Variants in SEMA7A observed in about 807,000 individuals in gnomAD.
SEMA7A encodes semaphorin 7A (JohnMiltonHagen blood group).
A neutral mutation model predicts 67.5 loss-of-function variants in SEMA7A; 21 were observed. The ratio of observed to expected loss-of-function variants is 0.31; its 90% CI spans 0.22 to 0.45. The LOEUF (loss-of-function observed/expected upper bound fraction) is 0.45, where lower values mean the gene tolerates loss of function less well. SEMA7A is among the 20% of genes least tolerant of loss of function. The pLI, the probability that SEMA7A is intolerant of heterozygous loss-of-function variation, is 1.00. For missense variants in SEMA7A, 774 were observed against 908.6 expected (o/e 0.85, Z 1.90); for synonymous variants, 364 against 368.5 (o/e 0.99, Z 0.14).
At chr15:74,415,635 C>T (rs1290243770) in intron 8 of SEMA7A, among the ~76,000 whole-genome samples, 166 bp downstream of exon 8, 2 of 152,122 alleles carry the variant, frequency 1.3e-5, no homozygotes, top group South Asian at 2.1e-4. Flanking sequence ...GTACATACAT[C>T]GCACTGGCTG....
Position 74,411,957 on chromosome 15 carries a change from G to A in SEMA7A, c.1350C>T (p.Ala450=). ...VEPGEQEHSF[A]FNIMEIQPFR... ...AGGGCTGGATCTCCATGATGTTGAA[G>A]GCGAAGCTGTGCTCCTGCTCCCCCG... The change falls in exon 11 of 14, where the codon GCC becomes GCT. Residue 450 remains alanine, a synonymous_variant. Coordinates refer to ENST00000261918, the MANE Select transcript of SEMA7A (RefSeq NM_003612.5). This position sits in a 1 kb window ranked among gnomAD's most constrained non-coding sequence, Gnocchi z 4.4. The A allele has an allele frequency of 1.2e-6, 2 of 1,614,032 alleles. No individual in the cohort carries two copies. The highest frequency in any genetic ancestry group is 8.5e-7 in the Non-Finnish European group (1 of 1,180,036).
rs2060888033 is a variant in SEMA7A at position 74,410,290 on chromosome 15, C to T, written c.*334G>A. On this transcript the variant is annotated 3_prime_UTR_variant, in exon 14 of 14. Coordinates refer to ENST00000261918, the MANE Select transcript of SEMA7A (RefSeq NM_003612.5). The surrounding 1 kb of genome is among the most constrained non-coding windows in gnomAD (Gnocchi z 7.5). ...CCAGCTCTCCTATCCAAACCCACTC[C>T]CCGACCCATGGGCTCTTGGGCTGGG... 2 of 283,472 alleles carry T rather than the reference C, an allele frequency of 7.1e-6. No homozygotes were observed. The highest frequency in any genetic ancestry group is 9.6e-5 in the Admixed American group (2 of 20,890). The allele number at this position is 283,472 out of a possible 1,614,324, so 17.6% of individuals were successfully genotyped here.
intron 3 of SEMA7A, 120 bp downstream of exon 3, chr15:74,418,148 A>G: frequency 8.4e-7 from 1 of 1,187,392 alleles, no homozygotes; most frequent in South Asian, 1.3e-5. Flanking sequence ...ACAGAGGACC[A>G]CGTCTCCCCA....
intron 1 of SEMA7A, among the ~76,000 whole-genome samples, chr15:74,426,724 T>C (rs1271816006): frequency 6.6e-6 from 1 of 152,102 alleles, no homozygotes; most frequent in Admixed American, 6.5e-5. Flanking sequence ...TGCAGAGAGC[T>C]ATGAATGCAC....
intron 1 of SEMA7A, among the ~76,000 whole-genome samples, chr15:74,432,851 G>T (rs561232170): frequency 6.6e-5 from 10 of 152,160 alleles, no homozygotes; most frequent in African/African-American, 2.2e-4. Context: ...TCAGTTCCTC[G>T]CGGCAGAAAG....
chr15:74,413,231 C>T (rs1053269329), intron 10 of SEMA7A, among the ~76,000 whole-genome samples: 14 of 152,236 alleles, frequency 9.2e-5, no homozygotes, highest in Non-Finnish European at 1.5e-5. Flanking sequence ...TCCAAACCAG[C>T]CCCAGTAACA....
At chr15:74,425,110 G>A (rs77319700) in intron 1 of SEMA7A, among the ~76,000 whole-genome samples, 1 of 152,212 alleles carries the variant, frequency 6.6e-6, no homozygotes, top group South Asian at 2.1e-4. Flanking sequence ...CCATTAGGGA[G>A]AACTGGCAGG....
chr15:74,418,316 G>T lies in SEMA7A; in HGVS notation c.331-7C>A. ...TTGTGGAGCCGATATTCACCTGGGG[G>T]AAGGGGAGAAGCATTAGTTCAATCT... On this transcript the variant is annotated splice_polypyrimidine_tract_variant and splice_region_variant and intron_variant, in intron 2 of 13. Coordinates refer to ENST00000261918, the MANE Select transcript of SEMA7A (RefSeq NM_003612.5). 1 of 1,612,232 alleles carries T rather than the reference G, an allele frequency of 6.2e-7. No individual in the cohort carries two copies.
chr15:74,433,757 G>C lies in SEMA7A; in HGVS notation c.162C>G (p.Ile54Met). Residue 54 changes from isoleucine (I) to methionine (M), a missense_variant, in exon 1 of 14, where the codon ATC (isoleucine) becomes ATG (methionine). Physicochemically the swap from Ile to Met is conservative, Grantham distance 10. Transcript: ENST00000261918. ...GCCGCCTACCTTTCCAGACGGCGAA[G>C]ATGCGGGGTCCGCTCCTTAGGTGGC... ...AQGHLRSGPR[I>M]FAVWKGHVGQ... The C allele has an allele frequency of 6.9e-7, 1 of 1,446,052 alleles. No individual in the cohort carries two copies. The highest frequency in any genetic ancestry group is 9.0e-7 in the Non-Finnish European group (1 of 1,105,264). The allele number at this position is 1,446,052 out of a possible 1,614,324, so 89.6% of individuals were successfully genotyped here.
At chr15:74,430,726 T>A (rs752644292) in intron 1 of SEMA7A, among the ~76,000 whole-genome samples, 3 of 152,058 alleles carry the variant, frequency 2.0e-5, no homozygotes, top group African/African-American at 7.2e-5. Context: ...GTGGAGGGAG[T>A]TCACCTTGAA....
intron 1 of SEMA7A, among the ~76,000 whole-genome samples, chr15:74,428,953 C>T (rs1596200716): frequency 1.3e-5 from 2 of 152,330 alleles, no homozygotes; most frequent in Non-Finnish European, 2.9e-5. Context: ...CCTCCATCCC[C>T]CTGCTTTCTT....
chr15:74,413,157 C>T (rs2060916563), intron 10 of SEMA7A, among the ~76,000 whole-genome samples: 1 of 151,720 alleles, frequency 6.6e-6, no homozygotes, highest in African/African-American at 2.4e-5. Context: ...GCCAGATGCT[C>T]CTTGGGCCTG....
chr15:74,424,637 G>A (rs1191763741), intron 1 of SEMA7A, among the ~76,000 whole-genome samples: 1 of 152,186 alleles, frequency 6.6e-6, no homozygotes, highest in Non-Finnish European at 1.5e-5. Flanking sequence ...GACTGTCTGG[G>A]GCAAAGTCCT....
Position 74,433,855 on chromosome 15 carries a change from G to A in SEMA7A, c.64C>T (p.Pro22Ser). The A allele has an allele frequency of 7.6e-7, 1 of 1,314,694 alleles. No homozygotes were observed. The highest frequency in any genetic ancestry group is 1.5e-5 in the African/African-American group (1 of 64,902). 81.4% of individuals were successfully genotyped at this position (1,314,694 alleles called of 1,614,324 possible). Residue 22 changes from proline to serine, a missense_variant, in exon 1 of 14, where the codon CCG (proline) becomes TCG (serine). Transcript: ENST00000261918. ...CGCAGCGGAAGCCCCAACCGAGCCG[G>A]CGGGCCAGGGACGCGGGCGCGCGGT... ...SAPRARVPGPPARLGLPLRLR... is the reference protein window; with the variant it reads ...SAPRARVPGPSARLGLPLRLR...
At chr15:74,426,402 TG>T (rs2061044033) in intron 1 of SEMA7A, among the ~76,000 whole-genome samples, 1 of 152,222 alleles carries the variant, frequency 6.6e-6, no homozygotes, top group Non-Finnish European at 1.5e-5. Context: ...CACCTGTGTG[TG>T]GCTTCAGGTA....
chr15:74,422,861 G>A (rs751263002), intron 1 of SEMA7A, among the ~76,000 whole-genome samples: 7 of 152,230 alleles, frequency 4.6e-5, no homozygotes, highest in Admixed American at 1.3e-4. Context: ...TGCTGTCACC[G>A]TCTGGCCCGC....
Position 74,410,320 on chromosome 15 carries a change from T to A in SEMA7A, c.*304A>T, listed in dbSNP as rs2075594. On this transcript the variant is annotated 3_prime_UTR_variant, in exon 14 of 14. Transcript: ENST00000261918. This position sits in a 1 kb window ranked among gnomAD's most constrained non-coding sequence, Gnocchi z 7.5. Reference sequence around the variant, plus strand: ...CCCATGGGCTCTTGGGCTGGGAGCATCGCTGCATTTAGTCAAGTTTGAGGA... The same window carrying A: ...CCCATGGGCTCTTGGGCTGGGAGCAACGCTGCATTTAGTCAAGTTTGAGGA... 2.7e-6 allele frequency: 1 copy of A among 365,054 alleles called. No homozygotes were observed. The highest frequency in any genetic ancestry group is 4.9e-6 in the Non-Finnish European group (1 of 203,792). 22.6% of individuals were successfully genotyped at this position (365,054 alleles called of 1,614,324 possible). A position where few individuals can be genotyped will look rare whatever the true frequency, so the allele number is the denominator to read the frequency against.
At chr15:74,421,033 G>A (rs1227240321) in intron 1 of SEMA7A, among the ~76,000 whole-genome samples, 2 of 152,246 alleles carry the variant, frequency 1.3e-5, no homozygotes, top group African/African-American at 4.8e-5. Flanking sequence ...CAAGGCCAAT[G>A]TACAACTACT....
rs753873510 is a variant in SEMA7A at position 74,410,554 on chromosome 15, G to A, written c.*70C>T. The A allele has an allele frequency of 6.3e-5, 96 of 1,512,594 alleles. No individual in the cohort carries two copies. The highest frequency in any genetic ancestry group is 8.1e-5 in the Non-Finnish European group (92 of 1,130,372). 93.7% of individuals were successfully genotyped at this position (1,512,594 alleles called of 1,614,324 possible). A position where few individuals can be genotyped will look rare whatever the true frequency, so the allele number is the denominator to read the frequency against. On this transcript the variant is annotated 3_prime_UTR_variant, in exon 14 of 14. Transcript: ENST00000261918. The surrounding 1 kb of genome is among the most constrained non-coding windows in gnomAD (Gnocchi z 7.5). Reference sequence around the variant, plus strand: ...CAGGCAAGGAGCTCCCGGGCCAGCCGGCTCTGAGTGTGAGACGTTCTAGTG... The same window carrying A: ...CAGGCAAGGAGCTCCCGGGCCAGCCAGCTCTGAGTGTGAGACGTTCTAGTG...
Sources: gnomAD v4.1 joint callset for allele counts (sites outside exome capture counted in the v4.1 genomes callset) on GRCh38, gnomAD v4.1.1 for gene constraint, Gnocchi (gnomAD v3.1) non-coding constraint, MANE v1.5 for transcripts, NCBI Gene and HGNC (gene_info 2026-07-23, HGNC 2026-07-21) for gene names.